The following DICER1 variants were observed in gnomAD, a reference collection of about 807,000 sequenced individuals.
The protein encoded by DICER1 is dicer 1, ribonuclease III.
In DICER1, 43 loss-of-function variants were observed where a neutral mutation model predicts 194.1. The observed-to-expected ratio is 0.22, with a 90% CI of 0.17 to 0.29. DICER1 has a LOEUF of 0.29. Among genes scored for constraint, DICER1 ranks in the 10% least tolerant of loss-of-function variants. The pLI, the probability that DICER1 is intolerant of heterozygous loss-of-function variation, is 1.00. For missense variants in DICER1, 1,608 were observed against 2,317.0 expected, an observed-to-expected ratio of 0.69 and a Z score of 6.28; for synonymous variants, 832 against 820.5, an observed-to-expected ratio of 1.01 and a Z score of -0.24.
chr14:95,094,521 C>T (rs1161920251), intron 23 of DICER1, among the ~76,000 whole-genome samples: 2 of 152,176 alleles, frequency 1.3e-5, no homozygotes, highest in Admixed American at 6.5e-5. Context: ...CCTCACACAT[C>T]ATCACTTAAG....
chr14:95,111,182 G>A, intron 14 of DICER1, 135 bp downstream of exon 14: 1 of 923,574 alleles, frequency 1.1e-6, no homozygotes, highest in Non-Finnish European at 1.8e-6. Context: ...GTGAATCGGA[G>A]AAAGGAGCTG....
rs747510783 is a variant in DICER1 at position 95,091,226 on chromosome 14, T to G, written c.5504A>C (p.Tyr1835Ser). The G allele has an allele frequency of 8.1e-6, 13 of 1,614,058 alleles. No individual in the cohort carries two copies. Among genetic ancestry groups the G allele is most frequent in the Non-Finnish European group, 1.1e-5 (13 of 1,180,030 alleles). Residue 1835 changes from tyrosine (Y) to serine (S), a missense_variant, in exon 25 of 27, where the codon TAT (tyrosine) becomes TCT (serine). Around this residue, in one of 10 missense-constraint regions of DICER1, gnomAD observed 138 missense variants for 298.3 expected, o/e 0.46. Coordinates refer to ENST00000343455, the MANE Select transcript of DICER1 (RefSeq NM_177438.3). Reference protein sequence around the residue: ...MSLETVWQVYYPMMRPLIEKF... With the variant: ...MSLETVWQVYSPMMRPLIEKF... ...ACCTATTAGTGGCCGCATCATGGGA[T>G]AGTACACCTGCCAGACTGTCTCCAG...
At chr14:95,090,778 C>T in intron 26 of DICER1, 115 bp from the exon 27 acceptor site, 1 of 1,289,046 alleles carries the variant, frequency 7.8e-7, no homozygotes, top group Non-Finnish European at 1.1e-6. Context: ...TGACACCACA[C>T]AAAGGAAACA....
At chr14:95,149,335 AGT>A (rs770088363) in intron 1 of DICER1, among the ~76,000 whole-genome samples, 1 of 152,238 alleles carries the variant, frequency 6.6e-6, no homozygotes, top group Non-Finnish European at 1.5e-5. Flanking sequence ...TCCAGGCAAG[AGT>A]GTGACGCACT....
intron 8 of DICER1, among the ~76,000 whole-genome samples, chr14:95,120,252 A>T (rs1168965063): frequency 6.6e-6 from 1 of 152,138 alleles, no homozygotes. Context: ...TGATTTCACT[A>T]AAAAAAGATC....
chr14:95,150,668 T>C (rs1233708613), intron 1 of DICER1, among the ~76,000 whole-genome samples: 1 of 152,194 alleles, frequency 6.6e-6, no homozygotes, highest in Non-Finnish European at 1.5e-5. Context: ...TACTAAAGAA[T>C]ATTTACATAG....
intron 1 of DICER1, among the ~76,000 whole-genome samples, chr14:95,135,821 T>G (rs1428048484): frequency 6.6e-6 from 1 of 152,206 alleles, no homozygotes; most frequent in Non-Finnish European, 1.5e-5. Flanking sequence ...TGATGGACAC[T>G]TAGATTGTTT....
intron 22 of DICER1, among the ~76,000 whole-genome samples, chr14:95,096,967 T>C (rs1762844661): frequency 7.0e-6 from 1 of 143,856 alleles, no homozygotes; most frequent in South Asian, 2.8e-4. Context: ...TATGAAGCTT[T>C]AAGTTAAGGA....
At chr14:95,115,642 C>T (rs1892371078) in intron 11 of DICER1, 25 bp downstream of exon 11, 2 of 1,613,456 alleles carry the variant, frequency 1.2e-6, no homozygotes, top group Non-Finnish European at 1.7e-6. Context: ...CCCAGGTTTT[C>T]CACACAAATG....
At chr14:95,108,917 A>G (rs527435628) in intron 14 of DICER1, among the ~76,000 whole-genome samples, 262 of 152,370 alleles carry the variant, frequency 1.7e-3, no homozygotes, top group African/African-American at 6.1e-3. Context: ...AAAATCACAT[A>G]TAATCCTATC....
intron 8 of DICER1, among the ~76,000 whole-genome samples, chr14:95,121,893 T>C (rs115091514): frequency 0.012 from 1,875 of 152,310 alleles, 48 homozygotes; most frequent in African/African-American, 0.042. Flanking sequence ...GGCTGTGATT[T>C]ATTTTTTTTA....
intron 24 of DICER1, 95 bp downstream of exon 24, chr14:95,093,793 G>C: frequency 7.4e-7 from 1 of 1,359,476 alleles, no homozygotes; most frequent in Non-Finnish European, 1.0e-6. Context: ...CTGACCTCCT[G>C]CTGTCCCTTT....
At chr14:95,104,544 A>T (rs114511825) in intron 20 of DICER1, among the ~76,000 whole-genome samples, 1 of 152,372 alleles carries the variant, frequency 6.6e-6, no homozygotes, top group African/African-American at 2.4e-5. Context: ...TGATTAAATG[A>T]GCTAACTAAC....
At chr14:95,151,237 G>A (rs1307295451) in intron 1 of DICER1, among the ~76,000 whole-genome samples, 2 of 152,180 alleles carry the variant, frequency 1.3e-5, no homozygotes, top group Non-Finnish European at 2.9e-5. Flanking sequence ...GACCAACTAA[G>A]ATAGCTGAAC....
rs367950170 is a variant in DICER1 at position 95,108,399 on chromosome 14, A to G, written c.2361T>C (p.Phe787=). Residue 787 remains phenylalanine, a synonymous_variant, in exon 15 of 27, where the codon TTT becomes TTC. Coordinates refer to ENST00000343455, the MANE Select transcript of DICER1 (RefSeq NM_177438.3). ...LTTPLPDELN[F]RRRKLYPPED... ...CAGGAGGATAGAGCTTCCGCCTTCT[A>G]AAGTTGAGTTCATCAGGTAAAGGTG... The G allele has an allele frequency of 1.3e-5, 21 of 1,614,134 alleles. No homozygotes were observed. Among genetic ancestry groups the G allele is most frequent in the Middle Eastern group, 1.6e-4 (1 of 6,062 alleles).
In DICER1 at chr14:95,121,259, A is replaced by C. The variant is rs116014541; in HGVS notation, c.1376+2937T>G. 5.3e-3 allele frequency among the ~76,000 whole-genome samples: 809 copies of C among 152,302 alleles called. 3 individuals are homozygous for C. The highest frequency in any genetic ancestry group is 0.018 in the African/African-American group (750 of 41,556). On this transcript the variant is annotated intron_variant, in intron 8 of 26. Coordinates refer to ENST00000343455, the MANE Select transcript of DICER1 (RefSeq NM_177438.3). ...GAAACTGGGTAGATACTGACAACTAAATGTGATATGACACCTTGGATTAAA... is the reference window on the plus strand; with the variant it reads ...GAAACTGGGTAGATACTGACAACTACATGTGATATGACACCTTGGATTAAA...
chr14:95,152,841 C>G (rs1459455619), intron 1 of DICER1, among the ~76,000 whole-genome samples: 3 of 152,162 alleles, frequency 2.0e-5, no homozygotes, highest in Non-Finnish European at 2.9e-5. Context: ...CAAAAATAAT[C>G]TTTTTCTTTC....
At chr14:95,121,967 A>G (rs1892971749) in intron 8 of DICER1, among the ~76,000 whole-genome samples, 1 of 152,132 alleles carries the variant, frequency 6.6e-6, no homozygotes, top group Admixed American at 6.5e-5. Flanking sequence ...ACTATTCACT[A>G]TAGAAGGGTT....
intron 8 of DICER1, among the ~76,000 whole-genome samples, chr14:95,123,117 CT>C (rs1893088813): frequency 6.6e-6 from 1 of 151,964 alleles, no homozygotes; most frequent in South Asian, 2.1e-4. Context: ...AAATAAGGAC[CT>C]TTTTTGGCAG....
Sources: gnomAD v4.1 joint callset for allele counts (sites outside exome capture counted in the v4.1 genomes callset) on GRCh38, gnomAD v4.1.1 for gene constraint, gnomAD v4.1.1 regional missense constraint, MANE v1.5 for transcripts, NCBI Gene and HGNC (gene_info 2026-07-23, HGNC 2026-07-21) for gene names.